The following METTL9 variants were observed in gnomAD, a reference collection of about 807,000 sequenced individuals.
METTL9 encodes the protein methyltransferase 9, His-X-His N1(pi)-histidine, also known as protein-L-histidine N-pros-methyltransferase.
METTL9 carries 10 observed loss-of-function variants against 36.0 expected under a neutral mutation model. The observed-to-expected ratio is 0.28, with a 90% CI of 0.17 to 0.47. The LOEUF is 0.47. Among genes scored for constraint, METTL9 ranks in the 20% least tolerant of loss-of-function variants. The pLI, the probability that METTL9 is intolerant of heterozygous loss-of-function variation, is 0.99. For missense variants in METTL9, 246 were observed against 383.5 expected, an observed-to-expected ratio of 0.64 and a Z score of 3.00; for synonymous variants, 175 against 149.7, an observed-to-expected ratio of 1.17 and a Z score of -1.23.
At chr16:21,634,719 A>G (rs951215041) in intron 4 of METTL9, among the ~76,000 whole-genome samples, 8 of 152,230 alleles carry the variant, frequency 5.3e-5, no homozygotes, top group African/African-American at 1.9e-4. Context: ...TGGGTAATAA[A>G]CTTACCTTTT....
At chr16:21,645,981 T>A (rs980400669) in intron 4 of METTL9, among the ~76,000 whole-genome samples, 2 of 152,206 alleles carry the variant, frequency 1.3e-5, no homozygotes, top group Non-Finnish European at 2.9e-5. Context: ...TGGTCTCCCT[T>A]CCTCAGAGTC....
Position 21,608,225 on chromosome 16 carries a change from G to A in METTL9, c.166-4420G>A, listed in dbSNP as rs556647655. ...AGCCACCCAGTGCTGCGAGCTTAGC[G>A]TAGCTTTTTATCTAAGCTGGTTGTT... On this transcript the variant is annotated intron_variant, in intron 1 of 4. Transcript: ENST00000358154. Among the ~76,000 whole-genome samples, 67 of 152,250 alleles carry A rather than the reference G, an allele frequency of 4.4e-4. 1 individual carries two copies. Among genetic ancestry groups the A allele is most frequent in the African/African-American group, 1.5e-3 (63 of 41,548 alleles).
intron 4 of METTL9, among the ~76,000 whole-genome samples, chr16:21,630,180 G>A (rs1965918166): frequency 1.3e-5 from 2 of 152,364 alleles, no homozygotes; most frequent in Admixed American, 1.3e-4. Flanking sequence ...CTGGCTGCGG[G>A]ACTTTGCGGC....
chr16:21,620,527 C>G (rs1351080066), intron 3 of METTL9, among the ~76,000 whole-genome samples: 11 of 152,072 alleles, frequency 7.2e-5, no homozygotes, highest in Non-Finnish European at 1.5e-5. Context: ...CCTTCTTTTG[C>G]TTTGATGCTA....
At chr16:21,629,152 A>C (rs1306747090) in intron 4 of METTL9, among the ~76,000 whole-genome samples, 2 of 151,902 alleles carry the variant, frequency 1.3e-5, no homozygotes, top group African/African-American at 2.4e-5. Flanking sequence ...CAGTCTCCCA[A>C]AGTGCTGTGA....
At chr16:21,625,802 T>C (rs996598953) in intron 4 of METTL9, among the ~76,000 whole-genome samples, 2 of 152,218 alleles carry the variant, frequency 1.3e-5, no homozygotes, top group African/African-American at 4.8e-5. Context: ...TTGAAAGTTA[T>C]GATTTTAAGT....
upstream of METTL9, chr16:21,599,354 T>C: frequency 1.0e-6 from 1 of 999,974 alleles, no homozygotes; most frequent in Non-Finnish European, 1.2e-6. This position sits in a 1 kb window ranked among gnomAD's most constrained non-coding sequence, Gnocchi z 4.4. Flanking sequence ...CGCCATTTAC[T>C]AGAGGCCAAG....
chr16:21,598,399 C>T (rs1463053627), upstream of METTL9, among the ~76,000 whole-genome samples: 1 of 150,692 alleles, frequency 6.6e-6, no homozygotes, highest in African/African-American at 2.4e-5. Context: ...TGATTTTGTT[C>T]CCCATCTGTG....
Position 21,599,894 on chromosome 16 carries a change from A to T in METTL9, c.161A>T (p.His54Leu). The T allele has an allele frequency of 6.9e-7, 1 of 1,449,090 alleles. No homozygotes were observed. Among genetic ancestry groups the T allele is most frequent in the Non-Finnish European group, 9.1e-7 (1 of 1,102,290 alleles). 89.8% of individuals were successfully genotyped at this position (1,449,090 alleles called of 1,614,324 possible). A position where few individuals can be genotyped will look rare whatever the true frequency, so the allele number is the denominator to read the frequency against. The change falls in exon 1 of 5, where the codon CAC becomes CTC. Residue 54 changes from histidine (H) to leucine (L), a missense_variant. By Grantham distance (99) the His-to-Leu change is moderately conservative (BLOSUM62 -3). Transcript: ENST00000358154. The surrounding 1 kb of genome is among the most constrained non-coding windows in gnomAD (Gnocchi z 4.4). ...AAAAGGRKEN[H>L]QWYVCNREKL... is the part of the protein sequence containing the mutation. ...GCCGCGGGCGGCAGGAAGGAGAACC[A>T]CCAGGTACGGGCTGGGGCCGGGGCC... is the stretch of plus-strand genomic sequence containing the variant.
intron 1 of METTL9, among the ~76,000 whole-genome samples, chr16:21,606,626 C>T (rs1471068340): frequency 6.6e-6 from 1 of 152,106 alleles, no homozygotes; most frequent in Admixed American, 6.6e-5. Context: ...AAGTTTGAAC[C>T]TTATACCCAC....
At position 21,599,989 on chromosome 16, in the gene METTL9, G is replaced by A; in HGVS notation, c.165+91G>A. 3 of 1,099,908 alleles carry A rather than the reference G, an allele frequency of 2.7e-6. No individual in the cohort carries two copies. The highest frequency in any genetic ancestry group is 3.4e-6 in the Non-Finnish European group (3 of 879,988). The allele number at this position is 1,099,908 out of a possible 1,614,324, so 68.1% of individuals were successfully genotyped here. A position where few individuals can be genotyped will look rare whatever the true frequency, so the allele number is the denominator to read the frequency against. On this transcript the variant is annotated intron_variant, in intron 1 of 4. Transcript: ENST00000358154. This position sits in a 1 kb window ranked among gnomAD's most constrained non-coding sequence, Gnocchi z 4.4. ...TATTGTGCGGGACGGCTCCGCGAGGGGGCGGCCCGGCCCTCGCCCCTCCGC... is the reference window on the plus strand; with the variant it reads ...TATTGTGCGGGACGGCTCCGCGAGGAGGCGGCCCGGCCCTCGCCCCTCCGC...
At chr16:21,627,799 C>T (rs2141591701) in intron 4 of METTL9, among the ~76,000 whole-genome samples, 1 of 151,904 alleles carries the variant, frequency 6.6e-6, no homozygotes, top group Admixed American at 6.6e-5. Context: ...AATATAAAAA[C>T]AAAATTAGCC....
chr16:21,655,081 G>A (rs1966671835), intron 4 of METTL9, 146 bp from the exon 5 acceptor site: 2 of 680,018 alleles, frequency 2.9e-6, no homozygotes, highest in Non-Finnish European at 5.0e-6. Context: ...GTCTCAAAGA[G>A]TACCTGGGAA....
intron 4 of METTL9, chr16:21,643,282 G>C: frequency 2.9e-6 from 2 of 692,768 alleles, no homozygotes; most frequent in Non-Finnish European, 2.5e-6. Flanking sequence ...CAACACATAT[G>C]TGCCTACAGT....
chr16:21,652,171 T>C (rs1355162824), intron 4 of METTL9: 1 of 165,380 alleles, frequency 6.0e-6, no homozygotes, highest in Admixed American at 6.4e-5. Context: ...TAGAAATTGT[T>C]CTTTGAAAAT....
At chr16:21,647,838 G>A (rs908454696) in intron 4 of METTL9, among the ~76,000 whole-genome samples, 6 of 152,076 alleles carry the variant, frequency 3.9e-5, no homozygotes, top group African/African-American at 1.4e-4. Flanking sequence ...GCTTTCCTTC[G>A]ATCCAATCAC....
At chr16:21,652,551 A>AT in intron 4 of METTL9, 1 of 1,611,940 alleles carries the variant, frequency 6.2e-7, no homozygotes. Flanking sequence ...ATAGAATGAG[A>AT]TTGGTTTGCA....
chr16:21,626,961 CAA>C (rs1965829805), intron 4 of METTL9: 5 of 985,298 alleles, frequency 5.1e-6, no homozygotes, highest in Non-Finnish European at 6.0e-6. Context: ...TCAAACTAGA[CAA>C]GAGGGAAGTC....
intron 3 of METTL9, among the ~76,000 whole-genome samples, chr16:21,619,587 A>ATTTTTTTTTTTTTTTTTTTTTT: frequency 8.0e-6 from 1 of 124,224 alleles, no homozygotes; most frequent in Non-Finnish European, 1.7e-5. Context: ...TGCCCGGCTA[A>ATTTTTTTTTTTTTTTTTTTTTT]TTTTTTTTTT....
Sources: allele counts gnomAD v4.1 joint callset (sites outside exome capture counted in the v4.1 genomes callset), GRCh38; gene constraint gnomAD v4.1.1; non-coding constraint Gnocchi (gnomAD v3.1); transcripts MANE v1.5; gene names NCBI Gene and HGNC (gene_info 2026-07-23, HGNC 2026-07-21).